The following DCC variants were observed in gnomAD, a reference collection of about 807,000 sequenced individuals.
DCC encodes the protein netrin receptor DCC.
Under a neutral mutation model 172.5 loss-of-function variants are expected in DCC, and 58 were observed. The ratio of observed to expected loss-of-function variants is 0.34; its 90% CI spans 0.27 to 0.42. DCC has a LOEUF of 0.42. DCC is among the 10% of genes least tolerant of loss of function. DCC has a pLI of 1.00. For synonymous variants in DCC, 709 were observed against 644.5 expected, an observed-to-expected ratio of 1.10 and a Z score of -1.52; for missense variants, 1,740 against 1,791.0, an observed-to-expected ratio of 0.97 and a Z score of 0.51.
At chr18:52,387,728 G>A (rs1985869708) in intron 1 of DCC, among the ~76,000 whole-genome samples, 1 of 151,686 alleles carries the variant, frequency 6.6e-6, no homozygotes, top group Non-Finnish European at 1.5e-5. Context: ...GTTTGTTCTG[G>A]CCTCATTGTT....
intron 5 of DCC, among the ~76,000 whole-genome samples, chr18:52,949,187 C>A (rs2040596579): frequency 6.6e-6 from 1 of 152,328 alleles, no homozygotes; most frequent in African/African-American, 2.4e-5. Context: ...GCTTGAACTG[C>A]AAGCTCTTGT....
chr18:53,026,983 T>C (rs550628041), intron 5 of DCC, among the ~76,000 whole-genome samples: 2 of 152,282 alleles, frequency 1.3e-5, no homozygotes, highest in African/African-American at 4.8e-5. Context: ...TTCTCAGTCA[T>C]CACAGATTAT....
intron 5 of DCC, among the ~76,000 whole-genome samples, chr18:53,030,209 C>T (rs973342514): frequency 5.3e-5 from 8 of 152,158 alleles, no homozygotes; most frequent in Admixed American, 1.3e-4. Flanking sequence ...CCATTCCACC[C>T]CAGTAAAGTA....
At chr18:53,021,988 A>T (rs1260082777) in intron 5 of DCC, among the ~76,000 whole-genome samples, 1 of 152,204 alleles carries the variant, frequency 6.6e-6, no homozygotes, top group East Asian at 1.9e-4. Flanking sequence ...GTTTAGTTGC[A>T]ATTAAAATGT....
intron 28 of DCC, chr18:53,526,965 G>T: frequency 1.7e-6 from 1 of 585,090 alleles, no homozygotes. Context: ...CAGAGACTTA[G>T]TTATGTAAAA....
chr18:53,004,768 G>T (rs973201875), intron 5 of DCC, among the ~76,000 whole-genome samples: 1 of 152,108 alleles, frequency 6.6e-6, no homozygotes, highest in Non-Finnish European at 1.5e-5. Flanking sequence ...GCCCAGAGAT[G>T]CCTGTGTGTG....
intron 21 of DCC, among the ~76,000 whole-genome samples, chr18:53,427,785 C>A (rs886165633): frequency 1.0e-4 from 14 of 139,540 alleles, no homozygotes; most frequent in Non-Finnish European, 1.8e-4. Context: ...AGAGGAGTAA[C>A]CAATGTGCTT....
intron 16 of DCC, among the ~76,000 whole-genome samples, chr18:53,390,239 C>T (rs539274313): frequency 1.6e-5 from 2 of 124,924 alleles, no homozygotes; most frequent in East Asian, 5.2e-4. Flanking sequence ...TTAAACACAA[C>T]TCTCTTTCTC....
At chr18:52,836,410 C>T (rs2038705541) in intron 2 of DCC, among the ~76,000 whole-genome samples, 1 of 152,178 alleles carries the variant, frequency 6.6e-6, no homozygotes, top group East Asian at 1.9e-4. Flanking sequence ...GTCCCTTCCA[C>T]CTCTGAGCTT....
rs372443217 is a variant in DCC, at chr18:53,227,911, A to C, written c.1911+12314A>C. On this transcript the variant is annotated intron_variant, in intron 12 of 28. Transcript: ENST00000442544. ...GTCTATTTTATTTTTATGTGGATAA[A>C]GTTGAAGAGACTCACACAAAAGGGA... 4.6e-5 allele frequency among the ~76,000 whole-genome samples: 7 copies of C among 152,282 alleles called. No individual in the cohort carries two copies. In the East Asian group the frequency reaches 1.2e-3, roughly 25 times the overall value.
At chr18:53,148,224 T>C (rs2043944486) in intron 7 of DCC, among the ~76,000 whole-genome samples, 2 of 152,212 alleles carry the variant, frequency 1.3e-5, no homozygotes, top group South Asian at 4.1e-4. Flanking sequence ...ATGTGTTCTT[T>C]AGACGTTCTT....
At chr18:53,279,032 C>A (rs937794079) in intron 12 of DCC, among the ~76,000 whole-genome samples, 2 of 152,116 alleles carry the variant, frequency 1.3e-5, no homozygotes, top group African/African-American at 4.8e-5. Flanking sequence ...CCACCAACAG[C>A]GTAAAAGTGT....
In DCC at chr18:53,410,490, A is replaced by G. The variant is rs1420158520; in HGVS notation, c.2974A>G (p.Ile992Val). ...TTATACCTTGGACAAGAACATCCCA[A>G]TTGATGACTGGATTATGGAAACAAT... is the stretch of plus-strand genomic sequence containing the variant. Reference protein sequence around the residue: ...LFYTLDKNIPIDDWIMETISG... With the variant: ...LFYTLDKNIPVDDWIMETISG... The change falls in exon 20 of 29, where the codon ATT becomes GTT. Residue 992 changes from isoleucine (I) to valine (V), a missense_variant. Ile to Val is a conservative substitution (Grantham distance 29). Transcript: ENST00000442544. The G allele has an allele frequency of 1.2e-6, 2 of 1,610,506 alleles. No individual in the cohort carries two copies. The highest frequency in any genetic ancestry group is 1.1e-5 in the South Asian group (1 of 91,004).
chr18:52,560,432 A>G (rs1356595871), intron 1 of DCC, among the ~76,000 whole-genome samples: 2 of 152,242 alleles, frequency 1.3e-5, no homozygotes, highest in African/African-American at 4.8e-5. Context: ...CTGGGGCCAT[A>G]GTGTGCTGCT....
chr18:53,419,199 A>C (rs1910488506), intron 21 of DCC, among the ~76,000 whole-genome samples: 1 of 152,170 alleles, frequency 6.6e-6, no homozygotes, highest in South Asian at 2.1e-4. Context: ...TGTAGGGTAC[A>C]TGAGATGCTT....
intron 2 of DCC, among the ~76,000 whole-genome samples, chr18:52,777,176 G>T: frequency 6.6e-6 from 1 of 152,094 alleles, no homozygotes; most frequent in East Asian, 1.9e-4. Flanking sequence ...TCTCAGTCCT[G>T]TCCTTAACTA....
chr18:53,349,642 G>C (rs2057765578), intron 15 of DCC, among the ~76,000 whole-genome samples: 1 of 152,210 alleles, frequency 6.6e-6, no homozygotes, highest in Non-Finnish European at 1.5e-5. Flanking sequence ...CACAATCATA[G>C]CTGAAGGCAA....
intron 2 of DCC, among the ~76,000 whole-genome samples, chr18:52,859,371 T>C (rs2039100710): frequency 6.6e-6 from 1 of 152,140 alleles, no homozygotes; most frequent in African/African-American, 2.4e-5. Context: ...AAAAAAGGCA[T>C]ACATATTTAT....
intron 2 of DCC, among the ~76,000 whole-genome samples, chr18:52,883,112 T>C (rs970151327): frequency 2.0e-5 from 3 of 152,028 alleles, no homozygotes; most frequent in Non-Finnish European, 2.9e-5. Context: ...GGTATTTTTT[T>C]CTATCTTTTT....
Sources: allele counts gnomAD v4.1 joint callset (sites outside exome capture counted in the v4.1 genomes callset), GRCh38; gene constraint gnomAD v4.1.1; transcripts MANE v1.5; gene names NCBI Gene and HGNC (gene_info 2026-07-23, HGNC 2026-07-21).